GFUS: variants seen among roughly 807,000 people sequenced by gnomAD.
GFUS encodes the protein GDP-L-fucose synthase.
GFUS carries 42 observed loss-of-function variants against 41.5 expected under a neutral mutation model. The observed-to-expected ratio is 1.01, with a 90% CI of 0.79 to 1.31. The LOEUF is 1.31. GFUS is among the 50% of genes most tolerant of loss of function. The pLI, the probability that GFUS is intolerant of heterozygous loss-of-function variation, is 0.00. For synonymous variants in GFUS, 188 were observed against 173.4 expected (o/e 1.08, Z -0.66); for missense variants, 437 against 428.7 (o/e 1.02, Z -0.17).
At position 143,614,063 on chromosome 8, in the gene GFUS, G is replaced by C; in HGVS notation, c.663+101C>G. On this transcript the variant is annotated intron_variant, in intron 7 of 10. Transcript: ENST00000425753. ...CTCAGCCCAGATTCTCTGCTGGTAG[G>C]AGCCTCCCTCCTGCACCACCTCCCC... is the stretch of plus-strand genomic sequence containing the variant. 4.7e-6 allele frequency: 7 copies of C among 1,496,096 alleles called. No homozygotes were observed. In the South Asian group the frequency reaches 7.0e-5, roughly 15 times the overall value. 92.7% of individuals were successfully genotyped at this position (1,496,096 alleles called of 1,614,324 possible). A position where few individuals can be genotyped will look rare whatever the true frequency, so the allele number is the denominator to read the frequency against.
rs1450356029 is a variant in GFUS at position 143,617,525 on chromosome 8, G to GCTCCGGCTGCC, written c.-74_-64dup. The GCTCCGGCTGCC allele has an allele frequency of 2.6e-5, 4 of 152,240 alleles. No homozygotes were observed. The highest frequency in any genetic ancestry group is 9.6e-5 in the African/African-American group (4 of 41,454). 9.4% of individuals were successfully genotyped at this position (152,240 alleles called of 1,614,324 possible). On this transcript the variant is annotated 5_prime_UTR_variant, in exon 1 of 11. Coordinates refer to ENST00000425753, the MANE Select transcript of GFUS (RefSeq NM_003313.4). ...CCGACAGCGGCTTCCGGCCGGGTGC[G>GCTCCGGCTGCC]CTCCGGCTGCCCGCGGAGCCAGGTG...
chr8:143,616,061 C>T, intron 3 of GFUS, 45 bp downstream of exon 3: 1 of 1,490,724 alleles, frequency 6.7e-7, no homozygotes, highest in Non-Finnish European at 9.1e-7. Context: ...TTCCCAGAAC[C>T]TGGGATCCTG....
Position 143,612,922 on chromosome 8 carries a change from C to T in GFUS, c.954G>A (p.Gln318=). The stretch of plus-strand genomic sequence containing the variant: ...CTGTCTTCCAGCTTCACTTCCGGGC[C>T]TGCTCGTAGTTGTCAGTGAACCAAG... The part of the protein sequence containing the change: ...TCAWFTDNYE[Q]ARK The change falls in exon 11 of 11, where the codon CAG becomes CAA. Residue 318 remains glutamine (Q), a synonymous_variant. Transcript: ENST00000425753. The T allele has an allele frequency of 6.2e-7, 1 of 1,609,662 alleles. No homozygotes were observed. Among genetic ancestry groups the T allele is most frequent in the Non-Finnish European group, 8.5e-7 (1 of 1,178,522 alleles).
In GFUS at chr8:143,614,406, G is replaced by T. The variant is rs747855694; in HGVS notation, c.512C>A (p.Thr171Asn). ...GTTGTCGTGGGGCCCGAAGACGTTG[G>T]TGGGGATGACAGCGGTGAAGGTGCA... ...YGCTFTAVIP[T>N]NVFGPHDNFN... Residue 171 changes from threonine to asparagine, a missense_variant, in exon 6 of 11, where the codon ACC becomes AAC. Coordinates refer to ENST00000425753, the MANE Select transcript of GFUS (RefSeq NM_003313.4). 1 of 1,613,956 alleles carries T rather than the reference G, an allele frequency of 6.2e-7. No individual in the cohort carries two copies. Among genetic ancestry groups the T allele is most frequent in the Non-Finnish European group, 8.5e-7 (1 of 1,179,990 alleles).
At position 143,612,982 on chromosome 8, in the gene GFUS, G is replaced by A. The variant is rs1177363406; in HGVS notation, c.911-17C>T. On this transcript the variant is annotated splice_polypyrimidine_tract_variant and intron_variant, in intron 10 of 10. Coordinates refer to ENST00000425753, the MANE Select transcript of GFUS (RefSeq NM_003313.4). ...CCTTCACCGCTGCAGAGGCAGGCAG[G>A]TGAGGGCCATGGACAGGGAGGGTCG... is the stretch of plus-strand genomic sequence containing the variant. 6.2e-7 allele frequency: 1 copy of A among 1,608,258 alleles called. No homozygotes were observed. The highest frequency in any genetic ancestry group is 1.1e-5 in the South Asian group (1 of 90,486).
intron 10 of GFUS, 21 bp downstream of exon 10, chr8:143,613,175 G>A (rs766121309): frequency 3.7e-6 from 6 of 1,610,574 alleles, no homozygotes; most frequent in African/African-American, 2.7e-5. Context: ...CCAAGTGGAG[G>A]GCTGTGGGGT....
rs1240220933 is a variant in GFUS, at chr8:143,612,943, C to T, written c.933G>A (p.Trp311Ter). The T allele has an allele frequency of 6.2e-7, 1 of 1,610,800 alleles. No individual in the cohort carries two copies. Among genetic ancestry groups the T allele is most frequent in the South Asian group, 1.1e-5 (1 of 90,594 alleles). The change falls in exon 11 of 11, where the codon TGG becomes TGA. Residue 311 changes from tryptophan (W) to a stop codon, truncating the protein, a stop_gained. Transcript: ENST00000425753. LOFTEE classifies it high-confidence loss of function. ...GGGCCTGCTCGTAGTTGTCAGTGAA[C>T]CAAGCACAGGTCTCCTTCACCGCTG... Reference protein sequence around the residue: ...FKQAVKETCAWFTDNYEQARK With the variant: ...FKQAVKETCA
At position 143,616,575 on chromosome 8, in the gene GFUS, G is replaced by C. The variant is rs369786286; in HGVS notation, c.138C>G (p.Ala46=). The C allele has an allele frequency of 1.2e-6, 2 of 1,613,682 alleles. No homozygotes were observed. The highest frequency in any genetic ancestry group is 2.7e-5 in the African/African-American group (2 of 74,890). Residue 46 remains alanine (A), a synonymous_variant, in exon 2 of 11, where the codon GCC becomes GCG. Coordinates refer to ENST00000425753, the MANE Select transcript of GFUS (RefSeq NM_003313.4). ...GGGATGGGCTCACTCACGTGAGATCGGCGTCTTTAGAGGAGACAAACACCC... is the reference window on the plus strand; with the variant it reads ...GGGATGGGCTCACTCACGTGAGATCCGCGTCTTTAGAGGAGACAAACACCC... ...EDWVFVSSKD[A]DLTDTAQTRA...
chr8:143,613,966 G>A lies in GFUS; in HGVS notation c.664-149C>T, dbSNP rs1037378631. On this transcript the variant is annotated intron_variant, in intron 7 of 10. Coordinates refer to ENST00000425753, the MANE Select transcript of GFUS (RefSeq NM_003313.4). ...CCTCCTTTCTCCCTTGGAGCTCAGA[G>A]CTACGCCAGTGACTCCTGGAGACAG... 10 of 1,156,066 alleles carry A rather than the reference G, an allele frequency of 8.7e-6. No individual in the cohort carries two copies. In the East Asian group the frequency reaches 2.0e-4, roughly 24 times the overall value. 71.6% of individuals were successfully genotyped at this position (1,156,066 alleles called of 1,614,324 possible).
Position 143,614,219 on chromosome 8 carries a change from G to C in GFUS, c.608C>G (p.Ser203Trp), listed in dbSNP as rs141236351. ...HKVHLAKSSG[S>W]ALTVWGTGNP... ...CCCTGTACCCCACACCGTCAGGGCC[G>C]AGCCGCTGCCTGCAGATTTGGGGAA... is the stretch of plus-strand genomic sequence containing the variant. The change falls in exon 7 of 11, where the codon TCG becomes TGG. Residue 203 changes from serine (S) to tryptophan (W), a missense_variant. By Grantham distance (177) the Ser-to-Trp change is radical (BLOSUM62 -3). Transcript: ENST00000425753. The C allele has an allele frequency of 1.2e-6, 2 of 1,613,724 alleles. No individual in the cohort carries two copies. Among genetic ancestry groups the C allele is most frequent in the South Asian group, 2.2e-5 (2 of 91,084 alleles).
chr8:143,617,013 C>A (rs986942437), intron 1 of GFUS: 2 of 439,006 alleles, frequency 4.6e-6, no homozygotes, highest in Admixed American at 7.0e-5. Context: ...TCCCCTCTGA[C>A]TGACAAGAGG....
chr8:143,615,914 C>A (rs908362960), intron 3 of GFUS, 192 bp downstream of exon 3: 4 of 520,942 alleles, frequency 7.7e-6, no homozygotes, highest in Non-Finnish European at 1.3e-5. Flanking sequence ...CTGCATGGCC[C>A]TCTGTCCACA....
Position 143,613,458 on chromosome 8 carries a change from C to G in GFUS, c.810+66G>C, listed in dbSNP as rs1029967883. 2.6e-5 allele frequency: 40 copies of G among 1,561,334 alleles called. No homozygotes were observed. In the African/African-American group the frequency reaches 4.9e-4, roughly 19 times the overall value. Reference sequence around the variant, plus strand: ...GTGTCCCACCCACGCTGGCCCTACACCGGGTGGCCACTGAGCCCGCCCAAG... The same window carrying G: ...GTGTCCCACCCACGCTGGCCCTACAGCGGGTGGCCACTGAGCCCGCCCAAG... On this transcript the variant is annotated intron_variant, in intron 9 of 10. Coordinates refer to ENST00000425753, the MANE Select transcript of GFUS (RefSeq NM_003313.4).
At chr8:143,616,831 T>G in intron 1 of GFUS, 108 bp from the exon 2 acceptor site, 1 of 1,357,750 alleles carries the variant, frequency 7.4e-7, no homozygotes, top group South Asian at 1.3e-5. Flanking sequence ...TGGGGCATAG[T>G]CCACTGGCAA....
Position 143,614,380 on chromosome 8 carries a change from A to C in GFUS, c.538T>G (p.Phe180Val), listed in dbSNP as rs765788048. 6.2e-7 allele frequency: 1 copy of C among 1,613,916 alleles called. No homozygotes were observed. The change falls in exon 6 of 11, where the codon TTC (phenylalanine) becomes GTC (valine). Residue 180 changes from phenylalanine to valine, a missense_variant. Coordinates refer to ENST00000425753, the MANE Select transcript of GFUS (RefSeq NM_003313.4). ...AGCACGTGGCCATCCTCGATGTTGA[A>C]GTTGTCGTGGGGCCCGAAGACGTTG... ...PTNVFGPHDNFNIEDGHVLPG... is the reference protein window; with the variant it reads ...PTNVFGPHDNVNIEDGHVLPG...
At chr8:143,614,100 A>T in intron 7 of GFUS, 64 bp downstream of exon 7, 1 of 1,598,648 alleles carries the variant, frequency 6.3e-7, no homozygotes, top group Non-Finnish European at 8.5e-7. Context: ...ACAGCCCAGC[A>T]GGGGCCAGCC....
Position 143,616,737 on chromosome 8 carries a change from C to T in GFUS, c.-11-14G>A, listed in dbSNP as rs200083327. On this transcript the variant is annotated splice_polypyrimidine_tract_variant and intron_variant, in intron 1 of 10. Coordinates refer to ENST00000425753, the MANE Select transcript of GFUS (RefSeq NM_003313.4). ...TGTCAGTTGCACCTGTAATGTCAAA[C>T]AGTGGGAGGCTGAGGTCATCACGCT... The T allele has an allele frequency of 1.2e-4, 197 of 1,613,308 alleles. 1 individual carries two copies. Among genetic ancestry groups the T allele is most frequent in the Non-Finnish European group, 1.6e-4 (186 of 1,179,924 alleles).
At position 143,614,413 on chromosome 8, in the gene GFUS, T is replaced by C; in HGVS notation, c.505A>G (p.Ile169Val). ...TGGGGCCCGAAGACGTTGGTGGGGA[T>C]GACAGCGGTGAAGGTGCAGCCGTAC... ...QQYGCTFTAV[I>V]PTNVFGPHDN... Residue 169 changes from isoleucine to valine, a missense_variant, in exon 6 of 11, where the codon ATC (isoleucine) becomes GTC (valine). Ile to Val is a conservative substitution (Grantham distance 29). Transcript: ENST00000425753. 1.2e-6 allele frequency: 2 copies of C among 1,613,850 alleles called. No homozygotes were observed. The highest frequency in any genetic ancestry group is 1.1e-5 in the South Asian group (1 of 91,074).
Position 143,613,299 on chromosome 8 carries a change from G to A in GFUS, c.811-4C>T. ...CATCCGACTTGGTTGTATCAAACTG[G>A]AGGCTTTGTCAAGGCCACAGCGAGA... On this transcript the variant is annotated splice_polypyrimidine_tract_variant and splice_region_variant and intron_variant, in intron 9 of 10. Coordinates refer to ENST00000425753, the MANE Select transcript of GFUS (RefSeq NM_003313.4). 3 of 1,613,942 alleles carry A rather than the reference G, an allele frequency of 1.9e-6. No homozygotes were observed. Among genetic ancestry groups the A allele is most frequent in the Non-Finnish European group, 2.5e-6 (3 of 1,179,882 alleles).
Sources: gnomAD v4.1 joint callset for allele counts on GRCh38, gnomAD v4.1.1 for gene constraint, MANE v1.5 for transcripts, NCBI Gene and HGNC (gene_info 2026-07-23, HGNC 2026-07-21) for gene names.